Variants in HDAC3 observed in about 807,000 individuals in gnomAD.
The protein encoded by HDAC3 is histone deacetylase 3.
Under a neutral mutation model 62.3 loss-of-function variants are expected in HDAC3, and 21 were observed. That is an observed-to-expected ratio of 0.34 (90% CI 0.24 to 0.49). The LOEUF (loss-of-function observed/expected upper bound fraction) is 0.49. Among genes scored for constraint, HDAC3 ranks in the 20% least tolerant of loss-of-function variants. HDAC3 has a pLI of 0.99. For missense variants in HDAC3, 270 were observed against 556.9 expected (o/e 0.48, Z 5.19); for synonymous variants, 198 against 206.5 (o/e 0.96, Z 0.35).
At chr5:141,624,123 C>T (rs959223740) in intron 14 of HDAC3, among the ~76,000 whole-genome samples, 2 of 150,488 alleles carry the variant, frequency 1.3e-5, no homozygotes, top group Non-Finnish European at 2.9e-5. Context: ...ATCAAAGAGC[C>T]TTAGAGAGTA....
chr5:141,629,878 G>T lies in HDAC3; in HGVS notation c.402C>A (p.His134Gln). ...CACTCACCTCAAACTTCTTGGCATGGTGCAGACCACCAGCCCAGTTAATGG... is the reference window on the plus strand; with the variant it reads ...CACTCACCTCAAACTTCTTGGCATGTTGCAGACCACCAGCCCAGTTAATGG... ...DIAINWAGGL[H>Q]HAKKFEASGF... is the part of the protein sequence containing the mutation. The change falls in exon 5 of 15, where the codon CAC (histidine) becomes CAA (glutamine). Residue 134 changes from histidine (H) to glutamine (Q), a missense_variant. Coordinates refer to ENST00000305264, the MANE Select transcript of HDAC3 (RefSeq NM_003883.4). The surrounding 1 kb of genome is among the most constrained non-coding windows in gnomAD (Gnocchi z 5.3). 1 of 1,614,078 alleles carries T rather than the reference G, an allele frequency of 6.2e-7. No individual in the cohort carries two copies. The highest frequency in any genetic ancestry group is 8.5e-7 in the Non-Finnish European group (1 of 1,180,020).
chr5:141,636,343 C>G, intron 2 of HDAC3: 1 of 602,780 alleles, frequency 1.7e-6, no homozygotes, highest in East Asian at 2.8e-5. Flanking sequence ...AGAGGGTGGC[C>G]GACCTGAGGT....
intron 3 of HDAC3, among the ~76,000 whole-genome samples, chr5:141,633,720 G>C (rs2154598032): frequency 6.6e-6 from 1 of 151,742 alleles, no homozygotes; most frequent in African/African-American, 2.4e-5. Flanking sequence ...CAGCTACTCG[G>C]GAGTCTGAGG....
At chr5:141,633,825 CAAAAAAAAAAA>C (rs11291105) in intron 3 of HDAC3, among the ~76,000 whole-genome samples, 3 of 74,010 alleles carry the variant, frequency 4.1e-5, no homozygotes, top group Non-Finnish European at 5.3e-5. Context: ...GACTCTGTCT[CAAAAAAAAAAA>C]AAAAAAAAAA....
intron 14 of HDAC3, among the ~76,000 whole-genome samples, chr5:141,621,978 G>T (rs915416614): frequency 6.6e-6 from 1 of 152,122 alleles, no homozygotes; most frequent in Admixed American, 6.6e-5. Flanking sequence ...ACTTCAGGAA[G>T]GCCATTCCAA....
chr5:141,624,546 G>T (rs1304367997), intron 14 of HDAC3, among the ~76,000 whole-genome samples: 1 of 130,152 alleles, frequency 7.7e-6, no homozygotes, highest in Non-Finnish European at 1.6e-5. Flanking sequence ...GACAGAATGA[G>T]ACCCTGTCTC....
chr5:141,632,507 C>T (rs187192313), intron 3 of HDAC3, among the ~76,000 whole-genome samples: 6 of 152,230 alleles, frequency 3.9e-5, no homozygotes, highest in Admixed American at 1.3e-4. Flanking sequence ...GCATAAATAG[C>T]CCAGAGATAG....
At position 141,634,403 on chromosome 5, in the gene HDAC3, C is replaced by T. The variant is rs554581366; in HGVS notation, c.281+408G>A. On this transcript the variant is annotated intron_variant, in intron 3 of 14. Transcript: ENST00000305264. Reference sequence around the variant, plus strand: ...CTTGTCCCTACTGCCTGCTATACTTCTCCCCTCACCCTCCAACCATCTTTC... The same window carrying T: ...CTTGTCCCTACTGCCTGCTATACTTTTCCCCTCACCCTCCAACCATCTTTC... 1.7e-3 allele frequency among the ~76,000 whole-genome samples: 266 copies of T among 152,064 alleles called. 1 individual carries two copies. The highest frequency in any genetic ancestry group is 3.4e-3 in the Middle Eastern group (1 of 294).
intron 3 of HDAC3, among the ~76,000 whole-genome samples, chr5:141,634,027 G>A (rs528495190): frequency 6.6e-6 from 1 of 152,210 alleles, no homozygotes; most frequent in African/African-American, 2.4e-5. Flanking sequence ...ATATAGAGTA[G>A]AGTGTGGCTT....
chr5:141,632,362 T>A (rs765201630), intron 3 of HDAC3, among the ~76,000 whole-genome samples: 1 of 152,092 alleles, frequency 6.6e-6, no homozygotes, highest in Non-Finnish European at 1.5e-5. Flanking sequence ...TAAAGGCCTA[T>A]AGTACAATTT....
At position 141,636,831 on chromosome 5, in the gene HDAC3, G is replaced by T; in HGVS notation, c.-41C>A. On this transcript the variant is annotated 5_prime_UTR_variant, in exon 1 of 15. Coordinates refer to ENST00000305264, the MANE Select transcript of HDAC3 (RefSeq NM_003883.4). ...AGGCCCCGCACCTCCGCCGCCCGCC[G>T]CCCGCGGCCGCCGCCAGCCCCTCCC... 1 of 1,438,422 alleles carries T rather than the reference G, an allele frequency of 7.0e-7. No homozygotes were observed. Among genetic ancestry groups the T allele is most frequent in the Non-Finnish European group, 9.1e-7 (1 of 1,097,346 alleles). 89.1% of individuals were successfully genotyped at this position (1,438,422 alleles called of 1,614,324 possible).
chr5:141,630,867 T>G lies in HDAC3; in HGVS notation c.282-742A>C, dbSNP rs541570194. Among the ~76,000 whole-genome samples the G allele has an allele frequency of 8.8e-3, 1,320 of 149,464 alleles. 18 individuals are homozygous for G. The highest frequency in any genetic ancestry group is 0.031 in the African/African-American group (1,261 of 40,426). ...TTGATACCTTTTTTTTTTTTTTTTT[T>G]GTAGAGACAGGGTCTCACTATGTTG... is the stretch of plus-strand genomic sequence containing the variant. On this transcript the variant is annotated intron_variant, in intron 3 of 14. Transcript: ENST00000305264.
chr5:141,624,372 CAAAAA>C (rs58610895), intron 14 of HDAC3, among the ~76,000 whole-genome samples: 260 of 21,976 alleles, frequency 0.012, no homozygotes, highest in African/African-American at 0.044. Flanking sequence ...CCGTCTCTAC[CAAAAA>C]AAAAAAAAAA....
Position 141,629,395 on chromosome 5 carries a change from C to A in HDAC3, c.477-89G>T. 6.4e-7 allele frequency: 1 copy of A among 1,565,006 alleles called. No homozygotes were observed. The highest frequency in any genetic ancestry group is 1.1e-5 in the South Asian group (1 of 88,054). On this transcript the variant is annotated intron_variant, in intron 6 of 14. Transcript: ENST00000305264. This position sits in a 1 kb window ranked among gnomAD's most constrained non-coding sequence, Gnocchi z 5.3. ...CACCGGGTCTCGAATTGTGAAGAGT[C>A]TGCTTCTGCCCTGGTCACCTGAAAC... is the stretch of plus-strand genomic sequence containing the variant.
At position 141,625,377 on chromosome 5, in the gene HDAC3, T is replaced by C. The variant is rs760066477; in HGVS notation, c.1060-12A>G. On this transcript the variant is annotated splice_polypyrimidine_tract_variant and intron_variant, in intron 13 of 14. Coordinates refer to ENST00000305264, the MANE Select transcript of HDAC3 (RefSeq NM_003883.4). This position sits in a 1 kb window ranked among gnomAD's most constrained non-coding sequence, Gnocchi z 4.0. The stretch of plus-strand genomic sequence containing the variant: ...ATCTGGTCCAGATACTGGTTGGAAA[T>C]GAGGAATACAGAGTGAGCAGTTTCC... 6.2e-7 allele frequency: 1 copy of C among 1,613,926 alleles called. No homozygotes were observed. Among genetic ancestry groups the C allele is most frequent in the Admixed American group, 1.7e-5 (1 of 59,976 alleles).
Position 141,625,968 on chromosome 5 carries a change from G to A in HDAC3, c.979+45C>T. The A allele has an allele frequency of 6.5e-7, 1 of 1,535,012 alleles. No individual in the cohort carries two copies. The highest frequency in any genetic ancestry group is 1.7e-5 in the Admixed American group (1 of 59,902). On this transcript the variant is annotated intron_variant, in intron 12 of 14. Transcript: ENST00000305264. The surrounding 1 kb of genome is among the most constrained non-coding windows in gnomAD (Gnocchi z 4.0). ...AAACCAGGTCATTCTGGAATCTGGT[G>A]AGAATGGCCTTCCTGTTATGGGGGT...
At chr5:141,624,958 G>T in intron 14 of HDAC3, 1 of 443,758 alleles carries the variant, frequency 2.3e-6, no homozygotes, top group East Asian at 4.3e-5. Flanking sequence ...TATTAACAGT[G>T]GTTACTCCTG....
Position 141,625,186 on chromosome 5 carries a change from G to C in HDAC3, c.1217+22C>G. 1 of 1,584,268 alleles carries C rather than the reference G, an allele frequency of 6.3e-7. No individual in the cohort carries two copies. ...TCCCCAGCAAGCCTATTGAAAGTAG[G>C]CTGAAGTCCCTGCTCCCAGACCTGC... On this transcript the variant is annotated intron_variant, in intron 14 of 14. Transcript: ENST00000305264. The surrounding 1 kb of genome is among the most constrained non-coding windows in gnomAD (Gnocchi z 4.0).
At chr5:141,630,274 A>C in intron 3 of HDAC3, 149 bp from the exon 4 acceptor site, 1 of 746,880 alleles carries the variant, frequency 1.3e-6, no homozygotes, top group African/African-American at 1.7e-5. Flanking sequence ...AAATTTATTC[A>C]ACAAATATTT....
Sources: gnomAD v4.1 joint callset for allele counts (sites outside exome capture counted in the v4.1 genomes callset) on GRCh38, gnomAD v4.1.1 for gene constraint, Gnocchi (gnomAD v3.1) non-coding constraint, MANE v1.5 for transcripts, NCBI Gene and HGNC (gene_info 2026-07-23, HGNC 2026-07-21) for gene names.